Variants in ZNF177 observed in about 807,000 individuals in gnomAD.
The protein encoded by ZNF177 is zinc finger protein 177.
ZNF177 carries 17 observed loss-of-function variants against 19.4 expected under a neutral mutation model. That is an observed-to-expected ratio of 0.87 (90% CI 0.60 to 1.31). The LOEUF (loss-of-function observed/expected upper bound fraction) is 1.31, where lower values mean the gene tolerates loss of function less well. ZNF177 is among the 40% of genes most tolerant of loss of function. The pLI, the probability that ZNF177 is intolerant of heterozygous loss-of-function variation, is 0.00. For missense variants in ZNF177, 633 were observed against 561.8 expected, an observed-to-expected ratio of 1.13 and a Z score of -1.28; for synonymous variants, 220 against 188.7, an observed-to-expected ratio of 1.17 and a Z score of -1.36.
exon 4 of ZNF177, chr19:9,379,576 G>A: frequency 6.2e-7 from 1 of 1,613,996 alleles, no homozygotes; most frequent in Non-Finnish European, 8.5e-7. Context: ...ATCAAGAACA[G>A]CTGAAGACAG....
exon 6 of ZNF177, chr19:9,381,744 G>C (rs201270492): frequency 3.1e-6 from 5 of 1,607,026 alleles, no homozygotes; most frequent in Admixed American, 1.7e-5. Context: ...TAATGCACAA[G>C]CGAATCCACA....
At chr19:9,377,900 C>T (rs1373350691) in intron 1 of ZNF177, among the ~76,000 whole-genome samples, 2 of 152,134 alleles carry the variant, frequency 1.3e-5, no homozygotes, top group Non-Finnish European at 2.9e-5. Context: ...ATATTCCAAA[C>T]TCATCTTGAA....
exon 6 of ZNF177, chr19:9,381,675 A>C (rs2068204917): frequency 6.2e-7 from 1 of 1,614,222 alleles, no homozygotes; most frequent in Non-Finnish European, 8.5e-7. Context: ...CTCACACTGG[A>C]GAGAAGCCTT....
upstream of ZNF177, among the ~76,000 whole-genome samples, chr19:9,374,619 CTT>C (rs1318810978): frequency 6.6e-6 from 1 of 151,784 alleles, no homozygotes; most frequent in African/African-American, 2.4e-5. Flanking sequence ...GTATTTTACT[CTT>C]TTTGATATTA....
upstream of ZNF177, chr19:9,376,299 T>C (rs192964360): frequency 1.3e-5 from 2 of 152,240 alleles, no homozygotes; most frequent in Non-Finnish European, 2.9e-5. Flanking sequence ...ATAATTTTTT[T>C]AAATTGTTTT....
exon 6 of ZNF177, chr19:9,381,530 A>G (rs746936670): frequency 6.2e-7 from 1 of 1,614,196 alleles, no homozygotes; most frequent in Non-Finnish European, 8.5e-7. Flanking sequence ...GAGTGTAACC[A>G]GTGTGGAAAG....
chr19:9,381,284 G>C (rs759514101), exon 6 of ZNF177: 1 of 1,613,822 alleles, frequency 6.2e-7, no homozygotes, highest in Non-Finnish European at 8.5e-7. Flanking sequence ...GATCACTGTG[G>C]AAAATCCTTT....
At chr19:9,375,751 TTA>T (rs1211760812), upstream of ZNF177, among the ~76,000 whole-genome samples, 1 of 152,190 alleles carries the variant, frequency 6.6e-6, no homozygotes, top group African/African-American at 2.4e-5. Flanking sequence ...TTTTGTTGGT[TTA>T]TCTTTTCATA....
chr19:9,371,180 T>C (rs2068043371), intron 2 of ZNF177, among the ~76,000 whole-genome samples: 1 of 152,182 alleles, frequency 6.6e-6, no homozygotes, highest in African/African-American at 2.4e-5. Context: ...CACTACTCCA[T>C]TATCCCACCT....
upstream of ZNF177, among the ~76,000 whole-genome samples, chr19:9,374,784 A>G (rs1428691829): frequency 6.6e-6 from 1 of 152,134 alleles, no homozygotes; most frequent in East Asian, 1.9e-4. Flanking sequence ...TCTAGATACA[A>G]TATCATGTCA....
At chr19:9,364,179 GT>G (rs992444198) in intron 1 of ZNF177, among the ~76,000 whole-genome samples, 12 of 152,114 alleles carry the variant, frequency 7.9e-5, no homozygotes, top group South Asian at 2.1e-4. Flanking sequence ...CTATTCTTGA[GT>G]TTTTTTATGT....
exon 5 of ZNF177, chr19:9,380,107 C>A: frequency 6.2e-7 from 1 of 1,611,502 alleles, no homozygotes; most frequent in Non-Finnish European, 8.5e-7. Flanking sequence ...GCAGAACATT[C>A]CTGGGGGAAA....
upstream of ZNF177, among the ~76,000 whole-genome samples, chr19:9,375,828 C>T (rs1191440299): frequency 5.9e-5 from 9 of 152,128 alleles, no homozygotes; most frequent in East Asian, 5.8e-4. Context: ...ATTTCTGCTG[C>T]GATCTTTATT....
At chr19:9,380,487 G>T in intron 5 of ZNF177, 181 bp from the exon 8 acceptor site, 3 of 1,209,822 alleles carry the variant, frequency 2.5e-6, no homozygotes, top group Non-Finnish European at 3.4e-6. Context: ...ACAGAGGAGT[G>T]AGCTTATTCA....
intron 2 of ZNF177, chr19:9,378,648 G>C: frequency 1.8e-6 from 1 of 570,578 alleles, no homozygotes. Flanking sequence ...CATTCCTACA[G>C]TATGCCCTGT....
rs141259227 is a variant in ZNF177, at chr19:9,378,932, C to T, written c.34-30C>T. On this transcript the variant is annotated intron_variant, in intron 2 of 5. Coordinates refer to ENST00000589262, the Ensembl canonical transcript of ZNF177. ...GTACATTGTCAAAAATGGTCATTGG[C>T]TGAGCCAGAATATGTATGTGATGTT... The T allele has an allele frequency of 8.5e-5, 133 of 1,568,966 alleles. No individual in the cohort carries two copies. In the African/African-American group the frequency reaches 1.6e-3, roughly 18 times the overall value.
downstream of ZNF177, chr19:9,382,600 G>GT (rs1310672309): frequency 2.6e-6 from 1 of 391,530 alleles, no homozygotes; most frequent in Non-Finnish European, 4.5e-6. Flanking sequence ...AAATGGTCAA[G>GT]TTTTAGGAAT....
upstream of ZNF177, among the ~76,000 whole-genome samples, chr19:9,372,505 TC>T (rs1373051706): frequency 6.6e-6 from 1 of 150,766 alleles, no homozygotes; most frequent in East Asian, 1.9e-4. Context: ...ATCTGTTCTC[TC>T]CCTTGCTTCC....
chr19:9,373,001 C>T (rs1405082164), upstream of ZNF177, among the ~76,000 whole-genome samples: 1 of 152,156 alleles, frequency 6.6e-6, no homozygotes, highest in Non-Finnish European at 1.5e-5. Context: ...ACATATCCAT[C>T]CCCTCACTTA....
Sources: gnomAD v4.1 joint callset for allele counts (sites outside exome capture counted in the v4.1 genomes callset) on GRCh38, gnomAD v4.1.1 for gene constraint, MANE v1.5 for transcripts, NCBI Gene and HGNC (gene_info 2026-07-23, HGNC 2026-07-21) for gene names.